SEMA3A: variants seen among roughly 807,000 people sequenced by gnomAD.
SEMA3A encodes semaphorin 3A, also known as semaphorin-3A.
SEMA3A carries 29 observed loss-of-function variants against 97.9 expected under a neutral mutation model. The observed-to-expected ratio is 0.30, with a 90% CI of 0.22 to 0.40. The LOEUF (loss-of-function observed/expected upper bound fraction) is 0.40. Among genes scored for constraint, SEMA3A ranks in the 10% least tolerant of loss-of-function variants. The probability of loss-of-function intolerance (pLI) is 1.00; values close to 1 mark genes in which losing one functional copy is unlikely to be tolerated. For missense variants in SEMA3A, 763 were observed against 951.3 expected (o/e 0.80, Z 2.60); for synonymous variants, 321 against 323.7 (o/e 0.99, Z 0.09).
chr7:84,274,701 T>C (rs1800249078), intron 3 of SEMA3A, among the ~76,000 whole-genome samples: 1 of 152,048 alleles, frequency 6.6e-6, no homozygotes, highest in African/African-American at 2.4e-5. Flanking sequence ...GATACGTTTT[T>C]TGTGCATGTG....
intron 3 of SEMA3A, among the ~76,000 whole-genome samples, chr7:84,305,290 C>T (rs1170957664): frequency 6.6e-6 from 1 of 150,912 alleles, no homozygotes; most frequent in African/African-American, 2.4e-5. Flanking sequence ...CTGATAGTCC[C>T]CAATTTGAGA....
At chr7:84,351,122 A>G (rs562830354) in intron 2 of SEMA3A, among the ~76,000 whole-genome samples, 1 of 152,020 alleles carries the variant, frequency 6.6e-6, no homozygotes, top group East Asian at 1.9e-4. Context: ...ACTAGAACAT[A>G]TTTTTGAGAT....
chr7:83,980,623 AAT>A (rs1554383378), intron 14 of SEMA3A, among the ~76,000 whole-genome samples: 9 of 71,758 alleles, frequency 1.3e-4, no homozygotes, highest in Non-Finnish European at 1.7e-4. Context: ...AAAAAAAAAA[AAT>A]ATATATATAT....
intron 3 of SEMA3A, among the ~76,000 whole-genome samples, chr7:84,257,783 A>T (rs1799751590): frequency 6.6e-6 from 1 of 152,200 alleles, no homozygotes; most frequent in Admixed American, 6.5e-5. Flanking sequence ...TTGTGGCAAA[A>T]AGTATATGTT....
At chr7:84,036,564 T>C (rs952734940) in intron 6 of SEMA3A, among the ~76,000 whole-genome samples, 1 of 152,036 alleles carries the variant, frequency 6.6e-6, no homozygotes, top group African/African-American at 2.4e-5. Flanking sequence ...TACAGGTAAA[T>C]AGAAACATTG....
At chr7:84,000,166 G>A (rs773372344) in intron 12 of SEMA3A, among the ~76,000 whole-genome samples, 1 of 148,786 alleles carries the variant, frequency 6.7e-6, no homozygotes, top group Admixed American at 6.7e-5. Context: ...CTCTATAGTG[G>A]CCAACAGAGT....
At chr7:84,133,196 G>A (rs746909379) in intron 2 of SEMA3A, among the ~76,000 whole-genome samples, 1 of 151,996 alleles carries the variant, frequency 6.6e-6, no homozygotes, top group East Asian at 1.9e-4. Flanking sequence ...AGAAATACCC[G>A]AAGTGATTTT....
At chr7:84,038,290 T>C (rs1562989122) in intron 6 of SEMA3A, among the ~76,000 whole-genome samples, 2 of 152,156 alleles carry the variant, frequency 1.3e-5, no homozygotes, top group Non-Finnish European at 2.9e-5. Flanking sequence ...TAGAAATATG[T>C]GGCTGCACAG....
intron 2 of SEMA3A, among the ~76,000 whole-genome samples, chr7:84,316,810 G>C (rs925538407): frequency 2.0e-5 from 3 of 151,964 alleles, no homozygotes; most frequent in Admixed American, 1.3e-4. Flanking sequence ...GAGAGGTTGC[G>C]GGGCGCCCAC....
intron 1 of SEMA3A, among the ~76,000 whole-genome samples, chr7:84,381,013 C>G (rs1475893928): frequency 6.6e-6 from 1 of 152,172 alleles, no homozygotes; most frequent in Non-Finnish European, 1.5e-5. Context: ...TGTAAGGCAA[C>G]ATATTTACAG....
intron 4 of SEMA3A, among the ~76,000 whole-genome samples, chr7:84,089,069 G>C (rs2115837895): frequency 6.6e-6 from 1 of 151,820 alleles, no homozygotes; most frequent in Non-Finnish European, 1.5e-5. Flanking sequence ...AGTCAATTTA[G>C]AGCTGTTAGG....
chr7:84,293,320 A>G (rs1800795589), intron 3 of SEMA3A, among the ~76,000 whole-genome samples: 1 of 152,022 alleles, frequency 6.6e-6, no homozygotes, highest in Non-Finnish European at 1.5e-5. Context: ...TAGCTTCTCA[A>G]TGGAGTTGGA....
chr7:84,023,740 A>T (rs543350970), intron 6 of SEMA3A, among the ~76,000 whole-genome samples: 19 of 152,102 alleles, frequency 1.2e-4, no homozygotes, highest in Non-Finnish European at 2.2e-4. Flanking sequence ...GCCGGGCGCT[A>T]TGGCTCACGC....
chr7:83,976,763 C>T (rs1180538809), intron 15 of SEMA3A, among the ~76,000 whole-genome samples: 1 of 151,958 alleles, frequency 6.6e-6, no homozygotes, highest in African/African-American at 2.4e-5. Flanking sequence ...TATTTTAAGA[C>T]TGTAGTTTTT....
At chr7:84,045,824 T>C (rs563072575) in intron 6 of SEMA3A, among the ~76,000 whole-genome samples, 2 of 152,102 alleles carry the variant, frequency 1.3e-5, no homozygotes, top group South Asian at 4.1e-4. Context: ...TAAGATTAAA[T>C]GTGAATCAAA....
chr7:84,229,831 A>T (rs1196652052), intron 3 of SEMA3A, among the ~76,000 whole-genome samples: 1 of 151,774 alleles, frequency 6.6e-6, no homozygotes, highest in Non-Finnish European at 1.5e-5. Flanking sequence ...CAATTTCCTG[A>T]CCTTATGGAA....
At chr7:84,322,806 A>G (rs1227034631) in intron 2 of SEMA3A, among the ~76,000 whole-genome samples, 1 of 152,242 alleles carries the variant, frequency 6.6e-6, no homozygotes, top group Non-Finnish European at 1.5e-5. Context: ...AGGATTTAAA[A>G]AATGTGAAAT....
chr7:84,184,962 A>G (rs186297296), intron 1 of SEMA3A, among the ~76,000 whole-genome samples: 204 of 152,272 alleles, frequency 1.3e-3, no homozygotes, highest in African/African-American at 4.7e-3. Flanking sequence ...ATCACAGCCA[A>G]TCATGAACTG....
intron 4 of SEMA3A, among the ~76,000 whole-genome samples, chr7:84,104,741 G>A (rs925966298): frequency 3.3e-5 from 5 of 151,746 alleles, no homozygotes; most frequent in Non-Finnish European, 5.9e-5. Flanking sequence ...ATAATATTTA[G>A]AATTTAGAAC....
Sources: allele counts gnomAD v4.1 joint callset (sites outside exome capture counted in the v4.1 genomes callset), GRCh38; gene constraint gnomAD v4.1.1; transcripts MANE v1.5; gene names NCBI Gene and HGNC (gene_info 2026-07-23, HGNC 2026-07-21).